Variants in TRAPPC9 observed in about 807,000 individuals in gnomAD.
TRAPPC9 encodes the protein trafficking protein particle complex subunit 9.
TRAPPC9 carries 83 observed loss-of-function variants against 124.0 expected under a neutral mutation model. That is an observed-to-expected ratio of 0.67 (90% CI 0.56 to 0.80). The LOEUF (loss-of-function observed/expected upper bound fraction) is 0.80, where lower values mean the gene tolerates loss of function less well. Ranked by LOEUF, TRAPPC9 falls within the 30% of genes least tolerant of loss-of-function variation. The pLI is 0.00. For missense variants in TRAPPC9, 1,302 were observed against 1,508.3 expected, an observed-to-expected ratio of 0.86 and a Z score of 2.27; for synonymous variants, 638 against 617.5, an observed-to-expected ratio of 1.03 and a Z score of -0.49.
At chr8:139,824,495 T>A (rs772735319) in intron 21 of TRAPPC9, among the ~76,000 whole-genome samples, 7 of 152,216 alleles carry the variant, frequency 4.6e-5, no homozygotes, top group African/African-American at 7.2e-5. Flanking sequence ...GGATGCTCCA[T>A]GGGAACACCC....
At chr8:140,213,286 T>C (rs7837261) in intron 17 of TRAPPC9, among the ~76,000 whole-genome samples, 2,649 of 152,210 alleles carry the variant, frequency 0.017, 69 homozygotes, top group African/African-American at 0.06. Context: ...TTTTGTGTCT[T>C]CTAAGGAATT....
chr8:140,457,235 G>A (rs2071708484), intron 1 of TRAPPC9, among the ~76,000 whole-genome samples: 1 of 152,118 alleles, frequency 6.6e-6, no homozygotes, highest in Admixed American at 6.5e-5. Flanking sequence ...CAGGGGCGGG[G>A]GGCTCCAGCG....
intron 2 of TRAPPC9, among the ~76,000 whole-genome samples, chr8:140,442,948 C>T (rs1183701801): frequency 1.3e-5 from 2 of 151,138 alleles, no homozygotes; most frequent in South Asian, 2.1e-4. Context: ...TCCTGGCCAA[C>T]ATGGTGAAAC....
intron 21 of TRAPPC9, among the ~76,000 whole-genome samples, chr8:139,775,189 C>T: frequency 6.6e-6 from 1 of 152,186 alleles, no homozygotes; most frequent in Non-Finnish European, 1.5e-5. Flanking sequence ...GCTCACAGGG[C>T]CATGTCCACA....
chr8:139,879,492 C>A (rs1203366935), intron 21 of TRAPPC9, among the ~76,000 whole-genome samples: 1 of 152,216 alleles, frequency 6.6e-6, no homozygotes, highest in Non-Finnish European at 1.5e-5. Flanking sequence ...TGTCCCTGCC[C>A]AGATGGTAAA....
chr8:140,137,127 C>T (rs2061316950), intron 17 of TRAPPC9, among the ~76,000 whole-genome samples: 2 of 152,104 alleles, frequency 1.3e-5, no homozygotes, highest in Non-Finnish European at 2.9e-5. Flanking sequence ...CCACAGGGCT[C>T]GGGCAATGCA....
At chr8:139,898,969 A>C (rs2131204724) in intron 20 of TRAPPC9, among the ~76,000 whole-genome samples, 1 of 151,906 alleles carries the variant, frequency 6.6e-6, no homozygotes, top group Non-Finnish European at 1.5e-5. Flanking sequence ...AAAATACAAA[A>C]ATTAGCCAGG....
rs574235886 is a variant in TRAPPC9, at chr8:140,393,032, T to TTTTTTTTTA, written c.1134+4587_1134+4588insTAAAAAAAA. Among the ~76,000 whole-genome samples the TTTTTTTTTA allele has an allele frequency of 6.4e-3, 886 of 138,056 alleles. 7 individuals are homozygous for TTTTTTTTTA. The highest frequency in any genetic ancestry group is 0.016 in the African/African-American group (594 of 36,980). The allele number at this position is 138,056 out of a possible 152,430, so 90.6% of individuals were successfully genotyped here. A position where few individuals can be genotyped will look rare whatever the true frequency, so the allele number is the denominator to read the frequency against. On this transcript the variant is annotated intron_variant, in intron 7 of 22. Coordinates refer to ENST00000438773, the MANE Select transcript of TRAPPC9 (RefSeq NM_001160372.4). ...AGTGAATATTATCATTCCCATTTTA[T>TTTTTTTTTA]TTTTATTTTATTTTATTTTATTTTA...
At chr8:140,018,267 T>C (rs1282200914) in intron 18 of TRAPPC9, among the ~76,000 whole-genome samples, 1 of 152,164 alleles carries the variant, frequency 6.6e-6, no homozygotes, top group East Asian at 1.9e-4. Context: ...ACTGCATATA[T>C]TATTTTTTAC....
At chr8:140,157,715 C>G (rs1012314450) in intron 17 of TRAPPC9, among the ~76,000 whole-genome samples, 7 of 151,438 alleles carry the variant, frequency 4.6e-5, no homozygotes, top group African/African-American at 1.5e-4. Context: ...GGAGGGGGTT[C>G]TTTTTCTAAG....
At chr8:139,854,990 T>C (rs1294208263) in intron 21 of TRAPPC9, among the ~76,000 whole-genome samples, 1 of 152,082 alleles carries the variant, frequency 6.6e-6, no homozygotes, top group Non-Finnish European at 1.5e-5. Flanking sequence ...TCCCTTCCTA[T>C]CAATCGTCTT....
chr8:139,875,840 G>A (rs1429289586), intron 21 of TRAPPC9, among the ~76,000 whole-genome samples: 2 of 152,266 alleles, frequency 1.3e-5, no homozygotes, highest in East Asian at 3.9e-4. Flanking sequence ...GACTAACACT[G>A]GCCTGGAGCA....
intron 17 of TRAPPC9, among the ~76,000 whole-genome samples, chr8:140,126,843 T>C (rs1035399812): frequency 6.6e-6 from 1 of 152,190 alleles, no homozygotes; most frequent in African/African-American, 2.4e-5. Context: ...TCACGGGCGC[T>C]GTGACCCTCA....
At chr8:140,245,280 G>A (rs1588003265) in intron 16 of TRAPPC9, among the ~76,000 whole-genome samples, 1 of 152,126 alleles carries the variant, frequency 6.6e-6, no homozygotes, top group East Asian at 1.9e-4. Context: ...TCCCAATGCT[G>A]ACGTCCTCCC....
chr8:140,405,796 C>G, intron 5 of TRAPPC9, 98 bp from the exon 6 acceptor site: 1 of 1,376,302 alleles, frequency 7.3e-7, no homozygotes, highest in South Asian at 1.2e-5. Flanking sequence ...TAAATATGCC[C>G]TACTGAAATT....
At chr8:139,771,975 T>C (rs1463185618) in intron 21 of TRAPPC9, among the ~76,000 whole-genome samples, 1 of 152,190 alleles carries the variant, frequency 6.6e-6, no homozygotes, top group Admixed American at 6.5e-5. Context: ...AAGGGAGATA[T>C]CTGAGCTCAC....
intron 19 of TRAPPC9, among the ~76,000 whole-genome samples, chr8:139,985,776 C>T (rs1169641890): frequency 6.6e-6 from 1 of 152,144 alleles, no homozygotes; most frequent in Admixed American, 6.5e-5. Context: ...ACCCTGGAAG[C>T]CACCTCACAG....
At chr8:139,784,372 G>A (rs545409348) in intron 21 of TRAPPC9, among the ~76,000 whole-genome samples, 148 of 151,940 alleles carry the variant, frequency 9.7e-4, no homozygotes, top group African/African-American at 3.4e-3. Context: ...TCAGGAGTTC[G>A]AGACCAGCCT....
intron 19 of TRAPPC9, among the ~76,000 whole-genome samples, chr8:139,979,039 G>A (rs537885513): frequency 2.0e-5 from 3 of 152,180 alleles, no homozygotes; most frequent in Admixed American, 6.5e-5. Context: ...AAGAGTTCTT[G>A]CCCGCAGACC....
Sources: allele counts gnomAD v4.1 joint callset (sites outside exome capture counted in the v4.1 genomes callset), GRCh38; gene constraint gnomAD v4.1.1; transcripts MANE v1.5; gene names NCBI Gene and HGNC (gene_info 2026-07-23, HGNC 2026-07-21).